DOK6: variants seen among roughly 807,000 people sequenced by gnomAD.
DOK6 encodes docking protein 6, also known as downstream of tyrosine kinase 6.
A neutral mutation model predicts 44.0 loss-of-function variants in DOK6; 22 were observed. The observed-to-expected ratio is 0.50, with a 90% CI of 0.36 to 0.71. The LOEUF is 0.71. Among genes scored for constraint, DOK6 ranks in the 30% least tolerant of loss-of-function variants. The probability of loss-of-function intolerance (pLI) is 0.00; values close to 1 mark genes in which losing one functional copy is unlikely to be tolerated. For synonymous variants in DOK6, 166 were observed against 145.5 expected, an observed-to-expected ratio of 1.14 and a Z score of -1.01; for missense variants, 340 against 416.4, an observed-to-expected ratio of 0.82 and a Z score of 1.60.
intron 1 of DOK6, among the ~76,000 whole-genome samples, chr18:69,507,948 A>T (rs570671202): frequency 2.9e-4 from 44 of 152,190 alleles, no homozygotes; most frequent in African/African-American, 9.4e-4. Flanking sequence ...TTTTTCCCAG[A>T]CTTAGGGGAA....
At chr18:69,729,502 AT>A (rs146706436) in intron 5 of DOK6, among the ~76,000 whole-genome samples, 2 of 151,498 alleles carry the variant, frequency 1.3e-5, no homozygotes, top group Non-Finnish European at 2.9e-5. Context: ...AGACTTTAGT[AT>A]TTTTTTTTCT....
At chr18:69,418,568 C>T (rs956614408) in intron 1 of DOK6, among the ~76,000 whole-genome samples, 1 of 151,968 alleles carries the variant, frequency 6.6e-6, no homozygotes, top group Non-Finnish European at 1.5e-5. Flanking sequence ...CTCAGGTGAT[C>T]CTCCTGACTC....
intron 7 of DOK6, among the ~76,000 whole-genome samples, chr18:69,773,465 G>GAAA (rs1484310829): frequency 6.6e-6 from 1 of 151,922 alleles, no homozygotes; most frequent in Non-Finnish European, 1.5e-5. Context: ...AATGAAGAAG[G>GAAA]AAAATGTGGT....
chr18:69,707,213 A>G (rs1403239384), intron 5 of DOK6, among the ~76,000 whole-genome samples: 1 of 152,240 alleles, frequency 6.6e-6, no homozygotes, highest in Non-Finnish European at 1.5e-5. Flanking sequence ...AGAACATTCC[A>G]TGCTCATGGG....
chr18:69,738,284 C>T (rs985289723), intron 5 of DOK6, among the ~76,000 whole-genome samples: 1 of 152,160 alleles, frequency 6.6e-6, no homozygotes, highest in Non-Finnish European at 1.5e-5. Flanking sequence ...AAATCAGCAA[C>T]ACAGAAATCC....
chr18:69,676,997 G>A (rs555582507), intron 3 of DOK6, among the ~76,000 whole-genome samples: 30 of 152,146 alleles, frequency 2.0e-4, no homozygotes, highest in African/African-American at 2.4e-4. Context: ...TCTAATCAAC[G>A]TCTTAGGTAA....
intron 1 of DOK6, among the ~76,000 whole-genome samples, chr18:69,475,008 C>A (rs1980221170): frequency 6.6e-6 from 1 of 151,848 alleles, no homozygotes; most frequent in African/African-American, 2.4e-5. Flanking sequence ...GAACTTGAAC[C>A]AAATAATTAT....
At chr18:69,502,592 C>T (rs1981076126) in intron 1 of DOK6, among the ~76,000 whole-genome samples, 1 of 151,980 alleles carries the variant, frequency 6.6e-6, no homozygotes, top group African/African-American at 2.4e-5. Context: ...AAAGTATCAA[C>T]CACGTGAAAT....
At chr18:69,491,927 C>G (rs146322766) in intron 1 of DOK6, among the ~76,000 whole-genome samples, 1 of 152,144 alleles carries the variant, frequency 6.6e-6, no homozygotes, top group Non-Finnish European at 1.5e-5. Context: ...AAATGGCAAT[C>G]AATGTGCAGA....
chr18:69,471,250 CAAAAAAAAAAAAAAAAAAA>C (rs71176969), intron 1 of DOK6, among the ~76,000 whole-genome samples: 2 of 27,784 alleles, frequency 7.2e-5, no homozygotes, highest in Admixed American at 6.8e-4. Flanking sequence ...AACTCCATCT[CAAAAAAAAAAAAAAAAAAA>C]AAAAAAAAAA....
At chr18:69,587,497 A>G (rs1281625819) in intron 2 of DOK6, among the ~76,000 whole-genome samples, 1 of 152,128 alleles carries the variant, frequency 6.6e-6, no homozygotes, top group Non-Finnish European at 1.5e-5. Context: ...ACATCTACAA[A>G]GACCCCTTTT....
In DOK6 at chr18:69,600,773, G is replaced by T. The variant is rs187558749; in HGVS notation, c.289+1275G>T. ...AGTGAGCAATATTTTGAATGTATAGGAAATACTGGAGCCTATTAATTTGTT... is the reference window on the plus strand; with the variant it reads ...AGTGAGCAATATTTTGAATGTATAGTAAATACTGGAGCCTATTAATTTGTT... On this transcript the variant is annotated intron_variant, in intron 3 of 7. Coordinates refer to ENST00000382713, the MANE Select transcript of DOK6 (RefSeq NM_152721.6). Among the ~76,000 whole-genome samples, 292 of 152,104 alleles carry T rather than the reference G, an allele frequency of 1.9e-3. 3 individuals are homozygous for T. The highest frequency in any genetic ancestry group is 6.9e-3 in the African/African-American group (285 of 41,496).
At chr18:69,691,142 C>T (rs1986254875) in intron 4 of DOK6, among the ~76,000 whole-genome samples, 1 of 151,424 alleles carries the variant, frequency 6.6e-6, no homozygotes, top group Non-Finnish European at 1.5e-5. Context: ...AAGATCGTAC[C>T]ATTGCACTCC....
At chr18:69,499,820 ATTC>A (rs1980998185) in intron 1 of DOK6, among the ~76,000 whole-genome samples, 1 of 152,226 alleles carries the variant, frequency 6.6e-6, no homozygotes, top group East Asian at 1.9e-4. Flanking sequence ...TTGTAGTTAT[ATTC>A]TTCTAGGTTT....
intron 2 of DOK6, among the ~76,000 whole-genome samples, chr18:69,572,327 C>T (rs1983133569): frequency 6.6e-6 from 1 of 152,024 alleles, no homozygotes; most frequent in Non-Finnish European, 1.5e-5. Context: ...TGGGCTTGAG[C>T]AACAATGTCA....
intron 1 of DOK6, among the ~76,000 whole-genome samples, chr18:69,424,936 G>A (rs1978595984): frequency 6.6e-6 from 1 of 152,150 alleles, no homozygotes; most frequent in Admixed American, 6.6e-5. Flanking sequence ...AACATGGGCA[G>A]GACAAAGGCG....
At position 69,401,374 on chromosome 18, in the gene DOK6, G is replaced by T. The variant is rs111462164; in HGVS notation, c.66+64G>T. 8.9e-4 allele frequency: 1,264 copies of T among 1,421,764 alleles called. 9 individuals carry two copies. The highest frequency in any genetic ancestry group is 8.3e-3 in the South Asian group (559 of 67,320). The allele number at this position is 1,421,764 out of a possible 1,614,324, so 88.1% of individuals were successfully genotyped here. A position where few individuals can be genotyped will look rare whatever the true frequency, so the allele number is the denominator to read the frequency against. The stretch of plus-strand genomic sequence containing the variant: ...GTTCGGCCCGGCTGGCTGCCTGGGG[G>T]GGGGGCAGGGAGAGGTGACCCGTGC... On this transcript the variant is annotated intron_variant, in intron 1 of 7. Coordinates refer to ENST00000382713, the MANE Select transcript of DOK6 (RefSeq NM_152721.6).
At chr18:69,415,806 C>T (rs748395747) in intron 1 of DOK6, among the ~76,000 whole-genome samples, 10 of 151,932 alleles carry the variant, frequency 6.6e-5, no homozygotes, top group Non-Finnish European at 1.2e-4. Context: ...AAATATTTAC[C>T]TCAACCTTAC....
intron 5 of DOK6, among the ~76,000 whole-genome samples, chr18:69,731,103 A>C (rs1381535644): frequency 6.6e-6 from 1 of 152,126 alleles, no homozygotes; most frequent in Non-Finnish European, 1.5e-5. Flanking sequence ...CAACTAAAAA[A>C]AATGTGGTAC....
Sources: gnomAD v4.1 joint callset for allele counts (sites outside exome capture counted in the v4.1 genomes callset) on GRCh38, gnomAD v4.1.1 for gene constraint, MANE v1.5 for transcripts, NCBI Gene and HGNC (gene_info 2026-07-23, HGNC 2026-07-21) for gene names.